Variants in NUDCD3 observed in about 807,000 individuals in gnomAD.
The protein encoded by NUDCD3 is nudC domain-containing protein 3.
A neutral mutation model predicts 39.7 loss-of-function variants in NUDCD3; 13 were observed. That is an observed-to-expected ratio of 0.33 (90% CI 0.21 to 0.52). NUDCD3 has a LOEUF of 0.52. NUDCD3 is among the 20% of genes least tolerant of loss of function. The pLI, the probability that NUDCD3 is intolerant of heterozygous loss-of-function variation, is 0.96. For missense variants in NUDCD3, 453 were observed against 458.1 expected (o/e 0.99, Z 0.10); for synonymous variants, 175 against 172.4 (o/e 1.02, Z -0.12).
chr7:44,456,024 T>TAA (rs1799887320), intron 2 of NUDCD3, among the ~76,000 whole-genome samples: 1 of 20,800 alleles, frequency 4.8e-5, no homozygotes. Flanking sequence ...AGACTCCGTC[T>TAA]CAAAAAAAAA....
chr7:44,382,367 T>G lies in NUDCD3; in HGVS notation c.*3644A>C, dbSNP rs927349462. ...AAAGGTAAAATTAACAAATCCATAT[T>G]AGTGTGAGCTGGGTGAGTAGTTTAG... On this transcript the variant is annotated 3_prime_UTR_variant, in exon 6 of 6. Coordinates refer to ENST00000355451, the MANE Select transcript of NUDCD3 (RefSeq NM_015332.4). 6 of 152,252 alleles carry G rather than the reference T, an allele frequency of 3.9e-5. No individual in the cohort carries two copies. The highest frequency in any genetic ancestry group is 4.1e-4 in the South Asian group (2 of 4,832). The allele number at this position is 152,252 out of a possible 1,614,324, so 9.4% of individuals were successfully genotyped here. A position where few individuals can be genotyped will look rare whatever the true frequency, so the allele number is the denominator to read the frequency against.
chr7:44,465,648 T>C (rs935343651), intron 2 of NUDCD3, among the ~76,000 whole-genome samples: 9 of 152,112 alleles, frequency 5.9e-5, no homozygotes, highest in Admixed American at 5.9e-4. Context: ...ATAGACTATC[T>C]CCTGACCGGT....
At chr7:44,411,591 G>C (rs547844027) in intron 3 of NUDCD3, among the ~76,000 whole-genome samples, 2 of 152,330 alleles carry the variant, frequency 1.3e-5, no homozygotes, top group Non-Finnish European at 2.9e-5. Flanking sequence ...TTCATACCCA[G>C]TAGGATAGCT....
At chr7:44,432,657 T>G (rs927250997) in intron 2 of NUDCD3, among the ~76,000 whole-genome samples, 3 of 152,202 alleles carry the variant, frequency 2.0e-5, no homozygotes, top group Non-Finnish European at 4.4e-5. Flanking sequence ...CAAATACAGC[T>G]GTTCTTTCAT....
intron 1 of NUDCD3, chr7:44,490,064 T>C: frequency 4.8e-6 from 1 of 208,648 alleles, no homozygotes; most frequent in South Asian, 1.0e-4. Context: ...GGCATGCACG[T>C]TTCTGTTGCT....
intron 4 of NUDCD3, among the ~76,000 whole-genome samples, chr7:44,395,445 G>A (rs565369900): frequency 2.6e-5 from 4 of 152,320 alleles, no homozygotes; most frequent in Admixed American, 6.5e-5. Flanking sequence ...TGAACCAATG[G>A]CATGTAGTAT....
chr7:44,395,322 C>T (rs572305637), intron 4 of NUDCD3, among the ~76,000 whole-genome samples: 6 of 152,338 alleles, frequency 3.9e-5, no homozygotes, highest in Non-Finnish European at 5.9e-5. Context: ...CACTCACAGA[C>T]GTCACGCATG....
intron 3 of NUDCD3, among the ~76,000 whole-genome samples, chr7:44,410,629 A>C (rs1798905269): frequency 6.8e-6 from 1 of 148,116 alleles, no homozygotes; most frequent in Non-Finnish European, 1.5e-5. Flanking sequence ...CTGCCACTGC[A>C]CTCCAGCCTG....
intron 2 of NUDCD3, among the ~76,000 whole-genome samples, chr7:44,447,309 C>T (rs150780761): frequency 6.6e-6 from 1 of 152,226 alleles, no homozygotes; most frequent in Non-Finnish European, 1.5e-5. Flanking sequence ...CCCAGGCCAA[C>T]AAACACTGTA....
In NUDCD3 at chr7:44,427,702, T is replaced by A; in HGVS notation, c.511A>T (p.Ile171Phe). Residue 171 changes from isoleucine (I) to phenylalanine (F), a missense_variant and splice_region_variant, in exon 3 of 6, where the codon ATT becomes TTT. By Grantham distance (21) the Ile-to-Phe change is conservative. Transcript: ENST00000355451. Reference protein sequence around the residue: ...VPREPPILPRIQEQFQKNPDS... With the variant: ...VPREPPILPRFQEQFQKNPDS... ...GGATTTTTCTGGAACTGCTCCTGAA[T>A]CCTGAGAAAGAATAAAAAATGTGAT... The A allele has an allele frequency of 6.2e-7, 1 of 1,613,866 alleles. No individual in the cohort carries two copies. Among genetic ancestry groups the A allele is most frequent in the Non-Finnish European group, 8.5e-7 (1 of 1,179,910 alleles).
chr7:44,391,598 A>ACTGCGTCCGCGTGCC (rs1346126726), intron 5 of NUDCD3, among the ~76,000 whole-genome samples: 17 of 152,206 alleles, frequency 1.1e-4, no homozygotes, highest in Admixed American at 5.9e-4. Context: ...TCAAGGCTGC[A>ACTGCGTCCGCGTGCC]CTGCGTCCGC....
intron 2 of NUDCD3, among the ~76,000 whole-genome samples, chr7:44,430,180 G>C (rs541851259): frequency 1.3e-5 from 2 of 152,104 alleles, no homozygotes; most frequent in Non-Finnish European, 2.9e-5. Flanking sequence ...GAGAAAAATG[G>C]TTCTCTTTAA....
intron 2 of NUDCD3, among the ~76,000 whole-genome samples, chr7:44,483,809 T>G (rs1005138593): frequency 6.6e-6 from 1 of 152,038 alleles, no homozygotes; most frequent in African/African-American, 2.4e-5. Flanking sequence ...AAAATATTTT[T>G]AAAATTTAGC....
intron 2 of NUDCD3, among the ~76,000 whole-genome samples, chr7:44,442,921 C>A (rs757093633): frequency 3.3e-5 from 5 of 152,040 alleles, no homozygotes; most frequent in Non-Finnish European, 5.9e-5. Flanking sequence ...CCAGGATGGT[C>A]TCGATCTCCT....
In NUDCD3 at chr7:44,469,152, C is replaced by T. The variant is rs1380253084; in HGVS notation, c.509+15816G>A. ...AAAAAAAAAAAAAAACAGGAGATTT[C>T]AGTCAACTTGAGTCAGCAGGTAAGG... On this transcript the variant is annotated intron_variant, in intron 2 of 5. Coordinates refer to ENST00000355451, the MANE Select transcript of NUDCD3 (RefSeq NM_015332.4). 3.5e-4 allele frequency among the ~76,000 whole-genome samples: 47 copies of T among 135,868 alleles called. No individual in the cohort carries two copies. In the Admixed American group the frequency reaches 3.5e-3, roughly 10 times the overall value. The allele number at this position is 135,868 out of a possible 152,430, so 89.1% of individuals were successfully genotyped here.
intron 2 of NUDCD3, among the ~76,000 whole-genome samples, chr7:44,458,935 G>GCT (rs1369484004): frequency 8.0e-5 from 4 of 50,136 alleles, no homozygotes; most frequent in African/African-American, 2.4e-4. Flanking sequence ...GACGGGGAGT[G>GCT]CTGTGTGTGT....
chr7:44,460,609 T>C (rs1190863149), intron 2 of NUDCD3, among the ~76,000 whole-genome samples: 2 of 152,148 alleles, frequency 1.3e-5, no homozygotes, highest in Non-Finnish European at 2.9e-5. Context: ...TGACTACATC[T>C]GGGGTTTTAA....
At position 44,485,200 on chromosome 7, in the gene NUDCD3, C is replaced by T. The variant is rs372229653; in HGVS notation, c.277G>A (p.Glu93Lys). 5.6e-6 allele frequency: 9 copies of T among 1,614,084 alleles called. No homozygotes were observed. In the African/African-American group the frequency reaches 1.2e-4, roughly 22 times the overall value. ...GCTGACACAGTCTTGGCCTCTTCCT[C>T]TTCCTTTCTTCTGATTTTCTCTTCA... The part of the protein sequence containing the change: ...ELEEKIRRKE[E>K]EEAKTVSAAA... Residue 93 changes from glutamate to lysine, a missense_variant, in exon 2 of 6, where the codon GAG becomes AAG. By Grantham distance (56) the Glu-to-Lys change is moderately conservative. Coordinates refer to ENST00000355451, the MANE Select transcript of NUDCD3 (RefSeq NM_015332.4).
chr7:44,419,129 G>A (rs554785021), intron 3 of NUDCD3, among the ~76,000 whole-genome samples: 1 of 152,124 alleles, frequency 6.6e-6, no homozygotes, highest in Non-Finnish European at 1.5e-5. Flanking sequence ...GGGAGCCAAG[G>A]GACAATCGAG....
Sources: gnomAD v4.1 joint callset for allele counts (sites outside exome capture counted in the v4.1 genomes callset) on GRCh38, gnomAD v4.1.1 for gene constraint, MANE v1.5 for transcripts, NCBI Gene and HGNC (gene_info 2026-07-23, HGNC 2026-07-21) for gene names.